Variants in OSTF1 observed in about 807,000 individuals in gnomAD.
OSTF1 encodes the protein osteoclast stimulating factor 1, also known as osteoclast-stimulating factor 1.
Under a neutral mutation model 37.2 loss-of-function variants are expected in OSTF1, and 27 were observed. The observed-to-expected ratio is 0.73, with a 90% CI of 0.54 to 1.00. The LOEUF (loss-of-function observed/expected upper bound fraction) is 1.00, where lower values mean the gene tolerates loss of function less well. Among genes scored for constraint, OSTF1 ranks in the 50% least tolerant of loss-of-function variants. The pLI, the probability that OSTF1 is intolerant of heterozygous loss-of-function variation, is 0.00. For synonymous variants in OSTF1, 82 were observed against 89.2 expected (o/e 0.92, Z 0.46); for missense variants, 232 against 253.8 (o/e 0.91, Z 0.58).
chr9:75,119,242 G>T (rs918734037), intron 2 of OSTF1, among the ~76,000 whole-genome samples: 2 of 152,260 alleles, frequency 1.3e-5, no homozygotes, highest in African/African-American at 4.8e-5. Context: ...ATGGAGTGGG[G>T]TGAATATTGA....
chr9:75,099,347 G>A (rs1485678678), intron 1 of OSTF1, among the ~76,000 whole-genome samples: 2 of 151,852 alleles, frequency 1.3e-5, no homozygotes, highest in Non-Finnish European at 2.9e-5. Flanking sequence ...AACCTCCTGG[G>A]CTCAAGTGAC....
At chr9:75,127,049 A>C (rs1158196562) in intron 2 of OSTF1, among the ~76,000 whole-genome samples, 1 of 152,180 alleles carries the variant, frequency 6.6e-6, no homozygotes. Context: ...ATTACATATT[A>C]ACTTTTCTCA....
chr9:75,117,625 G>T (rs1416232558), intron 2 of OSTF1, 75 bp downstream of exon 2: 1 of 1,076,500 alleles, frequency 9.3e-7, no homozygotes, highest in Non-Finnish European at 1.4e-6. Flanking sequence ...TTCCTCTGGT[G>T]TGAATGGTCT....
chr9:75,107,202 G>A (rs1352157161), intron 1 of OSTF1, among the ~76,000 whole-genome samples: 1 of 149,648 alleles, frequency 6.7e-6, no homozygotes, highest in African/African-American at 2.5e-5. Flanking sequence ...CCATCCCACG[G>A]ACTCCCCCTG....
At chr9:75,113,026 CAA>C (rs1825419477) in intron 1 of OSTF1, among the ~76,000 whole-genome samples, 1 of 152,030 alleles carries the variant, frequency 6.6e-6, no homozygotes. Flanking sequence ...GAGTGAAAAA[CAA>C]ACTCCAGACC....
At chr9:75,108,780 C>T (rs1005412786) in intron 1 of OSTF1, among the ~76,000 whole-genome samples, 1 of 152,172 alleles carries the variant, frequency 6.6e-6, no homozygotes, top group East Asian at 1.9e-4. Context: ...GTGCTGGCAG[C>T]GTCACTTCCG....
chr9:75,108,574 T>C (rs778226473), intron 1 of OSTF1, among the ~76,000 whole-genome samples: 1 of 152,206 alleles, frequency 6.6e-6, no homozygotes, highest in Non-Finnish European at 1.5e-5. Context: ...GAGTAAAAAT[T>C]ACAGGCATAG....
chr9:75,122,818 T>A (rs1825601347), intron 2 of OSTF1, among the ~76,000 whole-genome samples: 1 of 152,254 alleles, frequency 6.6e-6, no homozygotes, highest in South Asian at 2.1e-4. Flanking sequence ...ACATAATATA[T>A]ACTATAAAGT....
chr9:75,096,913 G>T (rs1428107061), intron 1 of OSTF1, among the ~76,000 whole-genome samples: 4 of 152,164 alleles, frequency 2.6e-5, no homozygotes, highest in African/African-American at 9.6e-5. Flanking sequence ...TTATGCTTAT[G>T]TCTGAAATGT....
chr9:75,101,596 C>T (rs1193094075), intron 1 of OSTF1, among the ~76,000 whole-genome samples: 2 of 152,132 alleles, frequency 1.3e-5, no homozygotes, highest in Non-Finnish European at 2.9e-5. Context: ...AGAGGGGCTC[C>T]GTTTTCAAAG....
chr9:75,115,939 A>G lies in OSTF1; in HGVS notation c.35-1565A>G, dbSNP rs929717628. On this transcript the variant is annotated intron_variant, in intron 1 of 9. Transcript: ENST00000346234. ...GCCAACATGGCGAAACCCCATCTCTACTAAAAATATAAAAATTAGCTGGGT... is the reference window on the plus strand; with the variant it reads ...GCCAACATGGCGAAACCCCATCTCTGCTAAAAATATAAAAATTAGCTGGGT... Among the ~76,000 whole-genome samples the G allele has an allele frequency of 8.5e-5, 13 of 152,158 alleles. No homozygotes were observed. The South Asian group carries it at 2.7e-3, about 32-fold the overall frequency.
intron 7 of OSTF1, among the ~76,000 whole-genome samples, chr9:75,136,457 A>G (rs541523023): frequency 6.6e-6 from 1 of 152,166 alleles, no homozygotes; most frequent in East Asian, 1.9e-4. Flanking sequence ...TAGTGGCGCA[A>G]TCTCAGCTCA....
intron 6 of OSTF1, 57 bp from the exon 7 acceptor site, chr9:75,134,289 A>G: frequency 1.3e-6 from 1 of 760,788 alleles, no homozygotes; most frequent in Non-Finnish European, 2.2e-6. Flanking sequence ...TTGTACCTAG[A>G]TTTGTCAGGC....
At chr9:75,128,234 C>T (rs1346562376) in intron 3 of OSTF1, among the ~76,000 whole-genome samples, 2 of 149,682 alleles carry the variant, frequency 1.3e-5, no homozygotes, top group African/African-American at 4.9e-5. Context: ...AAATTAAAAG[C>T]AGAATGAATC....
intron 1 of OSTF1, among the ~76,000 whole-genome samples, chr9:75,114,500 A>C (rs985359321): frequency 5.9e-5 from 9 of 152,104 alleles, no homozygotes; most frequent in African/African-American, 2.2e-4. Flanking sequence ...GTTATGTCAG[A>C]CAGTACTGTT....
At chr9:75,141,076 T>A in intron 9 of OSTF1, 144 bp downstream of exon 9, 7 of 547,756 alleles carry the variant, frequency 1.3e-5, no homozygotes, top group Non-Finnish European at 2.3e-5. Context: ...AGGCAGGAGG[T>A]TCACTTGAGC....
chr9:75,099,491 G>A (rs1405928199), intron 1 of OSTF1, among the ~76,000 whole-genome samples: 1 of 152,050 alleles, frequency 6.6e-6, no homozygotes, highest in African/African-American at 2.4e-5. Flanking sequence ...TCCATAGTGG[G>A]ACCTCCTGGG....
At chr9:75,095,253 G>T (rs557356581) in intron 1 of OSTF1, among the ~76,000 whole-genome samples, 8 of 152,202 alleles carry the variant, frequency 5.3e-5, no homozygotes, top group African/African-American at 1.9e-4. Flanking sequence ...GGGATTTGTT[G>T]TTTCAGAGGG....
intron 1 of OSTF1, among the ~76,000 whole-genome samples, chr9:75,093,148 T>G (rs1825012771): frequency 6.6e-6 from 1 of 150,950 alleles, no homozygotes; most frequent in Admixed American, 6.6e-5. Context: ...TCTTCCTTCC[T>G]GAGCTTCCAG....
Sources: gnomAD v4.1 joint callset for allele counts (sites outside exome capture counted in the v4.1 genomes callset) on GRCh38, gnomAD v4.1.1 for gene constraint, MANE v1.5 for transcripts, NCBI Gene and HGNC (gene_info 2026-07-23, HGNC 2026-07-21) for gene names.